Variants in VEZT observed in about 807,000 individuals in gnomAD.
The protein encoded by VEZT is vezatin.
VEZT carries 39 observed loss-of-function variants against 79.9 expected under a neutral mutation model. That is an observed-to-expected ratio of 0.49 (90% CI 0.38 to 0.64). The LOEUF is 0.64. Among genes scored for constraint, VEZT ranks in the 30% least tolerant of loss-of-function variants. VEZT has a pLI of 0.00. For missense variants in VEZT, 837 were observed against 893.1 expected (o/e 0.94, Z 0.80); for synonymous variants, 325 against 327.6 (o/e 0.99, Z 0.09).
intron 1 of VEZT, among the ~76,000 whole-genome samples, chr12:95,239,370 A>G (rs1230245159): frequency 6.6e-6 from 1 of 152,224 alleles, no homozygotes; most frequent in Non-Finnish European, 1.5e-5. Context: ...TAGGTGCTCA[A>G]TAAATATTTG....
At chr12:95,287,965 A>C in intron 9 of VEZT, 108 bp downstream of exon 9, 1 of 972,436 alleles carries the variant, frequency 1.0e-6, no homozygotes, top group Non-Finnish European at 1.4e-6. Context: ...CTAGCTTCAA[A>C]ATTTCTTAGT....
intron 1 of VEZT, among the ~76,000 whole-genome samples, chr12:95,250,330 TCTTG>T (rs2062380936): frequency 6.9e-6 from 1 of 145,928 alleles, no homozygotes; most frequent in South Asian, 2.2e-4. Context: ...TGAGACAAAG[TCTTG>T]CTCTGTCACC....
intron 5 of VEZT, among the ~76,000 whole-genome samples, chr12:95,267,473 A>C (rs1425842904): frequency 6.6e-6 from 1 of 152,224 alleles, no homozygotes; most frequent in Non-Finnish European, 1.5e-5. Context: ...GGTGAAGAAC[A>C]TTCATAGCTC....
At chr12:95,235,093 A>G (rs1393852633) in intron 1 of VEZT, among the ~76,000 whole-genome samples, 2 of 151,742 alleles carry the variant, frequency 1.3e-5, no homozygotes, top group Non-Finnish European at 2.9e-5. Flanking sequence ...CGATTTCTCA[A>G]TCTTTTCCCC....
chr12:95,224,905 AG>A (rs2058193358), intron 1 of VEZT, among the ~76,000 whole-genome samples: 1 of 152,188 alleles, frequency 6.6e-6, no homozygotes, highest in Non-Finnish European at 1.5e-5. Context: ...GATTCTCATA[AG>A]GAGCTCACAA....
In VEZT at chr12:95,270,085, C is replaced by G. The variant is rs367593764; in HGVS notation, c.745C>G (p.Gln249Glu). Residue 249 changes from glutamine (Q) to glutamate (E), a missense_variant, in exon 6 of 12, where the codon CAG becomes GAG. Transcript: ENST00000436874. Reference sequence around the variant, plus strand: ...TGCTTGCCCATTTAATAAAGCTGGACAGCATCCAAGTCAGCATCTCATCGG... The same window carrying G: ...TGCTTGCCCATTTAATAAAGCTGGAGAGCATCCAAGTCAGCATCTCATCGG... Reference protein sequence around the residue: ...SAACPFNKAGQHPSQHLIGLR... With the variant: ...SAACPFNKAGEHPSQHLIGLR... 2.3e-4 allele frequency: 367 copies of G among 1,611,606 alleles called. 3 individuals are homozygous for G. Among genetic ancestry groups the G allele is most frequent in the Non-Finnish European group, 4.7e-5 (55 of 1,178,868 alleles).
At chr12:95,263,791 C>G (rs1164903541) in intron 4 of VEZT, 6 of 152,016 alleles carry the variant, frequency 3.9e-5, no homozygotes, top group Admixed American at 2.6e-4. Flanking sequence ...TAGGATGGGA[C>G]ATGGAGGTAG....
chr12:95,234,592 G>A (rs1566010385), intron 1 of VEZT, among the ~76,000 whole-genome samples: 1 of 152,106 alleles, frequency 6.6e-6, no homozygotes, highest in Admixed American at 6.5e-5. Flanking sequence ...ACCGCGCCAG[G>A]CTTCCATTTT....
intron 1 of VEZT, among the ~76,000 whole-genome samples, chr12:95,240,010 AAG>A (rs797017553): frequency 1.7e-5 from 2 of 117,960 alleles, no homozygotes; most frequent in Non-Finnish European, 3.7e-5. Flanking sequence ...CAGAGAGAGA[AAG>A]AGAGAAAGAA....
intron 1 of VEZT, among the ~76,000 whole-genome samples, chr12:95,248,858 A>T (rs1486426369): frequency 6.6e-6 from 1 of 151,930 alleles, no homozygotes; most frequent in East Asian, 1.9e-4. Flanking sequence ...AAAAAGAAAA[A>T]CAGAAAACAA....
chr12:95,248,597 A>G (rs916590432), intron 1 of VEZT, among the ~76,000 whole-genome samples: 6 of 152,170 alleles, frequency 3.9e-5, no homozygotes, highest in African/African-American at 1.4e-4. Flanking sequence ...AGGGCATTAT[A>G]ATCTCAATAA....
At chr12:95,279,951 T>C (rs2068634075) in intron 7 of VEZT, among the ~76,000 whole-genome samples, 1 of 152,186 alleles carries the variant, frequency 6.6e-6, no homozygotes, top group African/African-American at 2.4e-5. Context: ...TGACCCAACA[T>C]GCTGGAATCA....
At chr12:95,270,017 G>T (rs779767498) in intron 5 of VEZT, 34 bp from the exon 6 acceptor site, 1 of 1,597,756 alleles carries the variant, frequency 6.3e-7, no homozygotes. Flanking sequence ...CTGTACAGTT[G>T]TATCACATTT....
At chr12:95,249,376 G>C (rs955748548) in intron 1 of VEZT, among the ~76,000 whole-genome samples, 1 of 152,164 alleles carries the variant, frequency 6.6e-6, no homozygotes, top group Non-Finnish European at 1.5e-5. Flanking sequence ...ACTGGGGCAA[G>C]AGCAGGGTGG....
intron 7 of VEZT, among the ~76,000 whole-genome samples, chr12:95,276,259 C>CTTTTTT (rs35034660): frequency 1.2e-3 from 87 of 75,152 alleles, no homozygotes; most frequent in East Asian, 2.1e-3. Context: ...TAATTTTTTT[C>CTTTTTT]TTTTTTTTTT....
At chr12:95,286,881 G>C (rs1057200368) in intron 8 of VEZT, 2 of 380,376 alleles carry the variant, frequency 5.3e-6, no homozygotes, top group Non-Finnish European at 1.0e-5. Flanking sequence ...CTGCCTCCAA[G>C]CTGCTCTGGG....
chr12:95,281,735 G>C (rs1459463818), intron 7 of VEZT, among the ~76,000 whole-genome samples: 2 of 151,900 alleles, frequency 1.3e-5, no homozygotes, highest in African/African-American at 4.8e-5. Flanking sequence ...TAGTAGAGAC[G>C]AGGTTTCACC....
intron 1 of VEZT, among the ~76,000 whole-genome samples, chr12:95,234,554 G>A (rs959203302): frequency 3.3e-5 from 5 of 151,974 alleles, no homozygotes; most frequent in African/African-American, 4.8e-5. Flanking sequence ...CTCAGCCTCC[G>A]AAAGTGCTGG....
chr12:95,244,299 G>A (rs2061443622), intron 1 of VEZT, among the ~76,000 whole-genome samples: 1 of 152,098 alleles, frequency 6.6e-6, no homozygotes, highest in African/African-American at 2.4e-5. Flanking sequence ...GTTGAGGTGG[G>A]AGGATTCCTC....
Sources: allele counts gnomAD v4.1 joint callset (sites outside exome capture counted in the v4.1 genomes callset), GRCh38; gene constraint gnomAD v4.1.1; transcripts MANE v1.5; gene names NCBI Gene and HGNC (gene_info 2026-07-23, HGNC 2026-07-21).